The following ACLY variants were observed in gnomAD, a reference collection of about 807,000 sequenced individuals.
ACLY encodes ATP citrate lyase, also known as ATP-citrate synthase.
Under a neutral mutation model 133.0 loss-of-function variants are expected in ACLY, and 41 were observed. The observed-to-expected ratio is 0.31, with a 90% CI of 0.24 to 0.40. ACLY has a LOEUF of 0.40. Among genes scored for constraint, ACLY ranks in the 10% least tolerant of loss-of-function variants. The pLI is 1.00. For missense variants in ACLY, 1,046 were observed against 1,453.8 expected (o/e 0.72, Z 4.56); for synonymous variants, 495 against 549.3 (o/e 0.90, Z 1.38).
In ACLY at chr17:41,909,006, AG is replaced by A; in HGVS notation, c.598del (p.Leu200SerfsTer7). The A allele has an allele frequency of 6.2e-7, 1 of 1,613,280 alleles. No homozygotes were observed. Among genetic ancestry groups the A allele is most frequent in the South Asian group, 1.1e-5 (1 of 90,924 alleles). The stretch of plus-strand genomic sequence containing the variant: ...CCAGTTACCAAGGGGATTGATCTCG[AG>A]GTAGGTGAAGTACAAGTCCTCGTAG... ...NFYEDLYFTY[L>X]EINPLVVTKD... is the part of the protein sequence containing the mutation. On this transcript the variant is annotated frameshift_variant, in exon 6 of 29. Coordinates refer to ENST00000352035, the MANE Select transcript of ACLY (RefSeq NM_001096.3). LOFTEE classifies it high-confidence loss of function.
intron 6 of ACLY, 73 bp from the exon 7 acceptor site, chr17:41,907,645 A>G: frequency 6.4e-7 from 1 of 1,552,310 alleles, no homozygotes. Context: ...CAACCCCTCC[A>G]CAAACACCGA....
At chr17:41,868,436 C>CAAAAAA (rs10639270) in intron 28 of ACLY, among the ~76,000 whole-genome samples, 1 of 102,802 alleles carries the variant, frequency 9.7e-6, no homozygotes, top group Non-Finnish European at 1.9e-5. Flanking sequence ...GACTCAGTCT[C>CAAAAAA]AAAAAAAAAA....
At chr17:41,923,890 A>T (rs1244422746), upstream of ACLY, among the ~76,000 whole-genome samples, 1 of 152,024 alleles carries the variant, frequency 6.6e-6, no homozygotes, top group Admixed American at 6.6e-5. Flanking sequence ...GGCTCACTTC[A>T]ACCTCCACCT....
chr17:41,930,490 C>A, exon 1 of ACLY: 1 of 478,810 alleles, frequency 2.1e-6, no homozygotes. Flanking sequence ...AAACACTAAC[C>A]AGCCCAGCCG....
intron 11 of ACLY, among the ~76,000 whole-genome samples, chr17:41,900,472 C>A (rs1206293591): frequency 6.6e-6 from 1 of 152,004 alleles, no homozygotes; most frequent in Non-Finnish European, 1.5e-5. Context: ...ATAATCCTAG[C>A]ACTTTGGGAG....
chr17:41,885,538 A>G (rs1321377843), intron 18 of ACLY, among the ~76,000 whole-genome samples: 1 of 152,256 alleles, frequency 6.6e-6, no homozygotes, highest in Non-Finnish European at 1.5e-5. Flanking sequence ...CCTACTGATC[A>G]GTGTTCCCAC....
chr17:41,869,944 G>A (rs1362939984), intron 25 of ACLY, among the ~76,000 whole-genome samples: 1 of 152,194 alleles, frequency 6.6e-6, no homozygotes, highest in Non-Finnish European at 1.5e-5. Flanking sequence ...CCAGCCTCCA[G>A]CCATGCCCCC....
At chr17:41,899,609 C>G (rs1291975138) in intron 11 of ACLY, among the ~76,000 whole-genome samples, 3 of 152,218 alleles carry the variant, frequency 2.0e-5, no homozygotes, top group East Asian at 1.9e-4. Flanking sequence ...CGCTCCCCTC[C>G]TCCTTGTACA....
At chr17:41,875,058 A>G (rs2048698376) in intron 22 of ACLY, among the ~76,000 whole-genome samples, 1 of 151,928 alleles carries the variant, frequency 6.6e-6, no homozygotes, top group Non-Finnish European at 1.5e-5. Context: ...CATAACAATA[A>G]CGTAATGGGG....
intron 22 of ACLY, among the ~76,000 whole-genome samples, 184 bp downstream of exon 22, chr17:41,877,915 TGTAA>T (rs1229847122): frequency 6.6e-5 from 10 of 152,274 alleles, no homozygotes; most frequent in African/African-American, 2.2e-4. Flanking sequence ...CTTGTGATCA[TGTAA>T]GTTAATACTT....
At chr17:41,880,768 A>C (rs2048891492) in intron 20 of ACLY, among the ~76,000 whole-genome samples, 1 of 152,114 alleles carries the variant, frequency 6.6e-6, no homozygotes, top group Admixed American at 6.6e-5. Context: ...TGGGAGGCTG[A>C]AACAGCAGAA....
At chr17:41,872,378 T>TG in intron 23 of ACLY, among the ~76,000 whole-genome samples, 196 bp from the exon 24 acceptor site, 1 of 152,348 alleles carries the variant, frequency 6.6e-6, no homozygotes. Flanking sequence ...TAGGCTGGAA[T>TG]GCAGTAGTGT....
In ACLY at chr17:41,867,906, T is replaced by G; in HGVS notation, c.3212-2A>C. ...GCCTCTTCTGATCAAGATAGTGTCC[T>G]AAAATGAAGCAAACACATCTTTTTT... is the stretch of plus-strand genomic sequence containing the variant. On this transcript the variant is annotated splice_acceptor_variant, in intron 28 of 28. Coordinates refer to ENST00000352035, the MANE Select transcript of ACLY (RefSeq NM_001096.3). LOFTEE classifies it high-confidence loss of function. 1 of 1,604,378 alleles carries G rather than the reference T, an allele frequency of 6.2e-7. No homozygotes were observed. The highest frequency in any genetic ancestry group is 8.5e-7 in the Non-Finnish European group (1 of 1,174,034).
In ACLY at chr17:41,879,685, A is replaced by AAAAAAAAAAAAAAAAG. The variant is rs1597981614; in HGVS notation, c.2266-762_2266-761insCTTTTTTTTTTTTTTT. Among the ~76,000 whole-genome samples the AAAAAAAAAAAAAAAAG allele has an allele frequency of 1.6e-5, 2 of 127,248 alleles. 1 individual carries two copies. The allele number at this position is 127,248 out of a possible 152,430, so 83.5% of individuals were successfully genotyped here. The stretch of plus-strand genomic sequence containing the variant: ...AAAAAAAAAAAAAAAAAAAAAAAAA[A>AAAAAAAAAAAAAAAAG]AAGAAGTGCTAAATGGTGTCTGTGT... On this transcript the variant is annotated intron_variant, in intron 20 of 28. Coordinates refer to ENST00000352035, the MANE Select transcript of ACLY (RefSeq NM_001096.3).
chr17:41,872,855 A>G (rs1190948874), intron 23 of ACLY, among the ~76,000 whole-genome samples: 1 of 152,198 alleles, frequency 6.6e-6, no homozygotes, highest in Non-Finnish European at 1.5e-5. Context: ...GGAACAAAGT[A>G]TGGAGAGGTG....
chr17:41,878,905 C>T lies in ACLY; in HGVS notation c.2285G>A (p.Gly762Glu). The change falls in exon 21 of 29, where the codon GGA becomes GAA. Residue 762 changes from glycine to glutamate, a missense_variant. Physicochemically the swap from Gly to Glu is moderately conservative, Grantham distance 98. Around this residue, in one of 4 missense-constraint regions of ACLY, gnomAD observed 575 missense variants for 804.2 expected, o/e 0.71. Transcript: ENST00000352035. ...TTCAGAAGCCTGGTTGGCACAAGCTCCAGCATGGCCAAACTGGACCTGGAA... is the reference window on the plus strand; with the variant it reads ...TTCAGAAGCCTGGTTGGCACAAGCTTCAGCATGGCCAAACTGGACCTGGAA... ...FSSEVQFGHA[G>E]ACANQASETA... is the part of the protein sequence containing the mutation. The T allele has an allele frequency of 6.2e-7, 1 of 1,614,052 alleles. No homozygotes were observed. The highest frequency in any genetic ancestry group is 8.5e-7 in the Non-Finnish European group (1 of 1,179,978).
intron 10 of ACLY, among the ~76,000 whole-genome samples, chr17:41,902,016 C>T (rs2049555082): frequency 2.0e-5 from 3 of 152,164 alleles, no homozygotes; most frequent in African/African-American, 4.8e-5. Context: ...GGATTGACAT[C>T]CCTTAATGTC....
At position 41,887,671 on chromosome 17, in the gene ACLY, G is replaced by A. The variant is rs1191849093; in HGVS notation, c.1803C>T (p.Ile601=). ...TCAGCTTTCTCGTGAGGGCCTCAGG[G>A]ATGCCTTCAGCTATGATGGCGATGG... is the stretch of plus-strand genomic sequence containing the variant. The part of the protein sequence containing the change: ...IRTIAIIAEG[I]PEALTRKLIK... Residue 601 remains isoleucine, a synonymous_variant, in exon 17 of 29, where the codon ATC becomes ATT. Coordinates refer to ENST00000352035, the MANE Select transcript of ACLY (RefSeq NM_001096.3). 1 of 1,613,656 alleles carries A rather than the reference G, an allele frequency of 6.2e-7. No homozygotes were observed. Among genetic ancestry groups the A allele is most frequent in the African/African-American group, 1.3e-5 (1 of 74,870 alleles).
intron 20 of ACLY, 42 bp from the exon 21 acceptor site, chr17:41,878,966 G>A (rs782008724): frequency 6.2e-7 from 1 of 1,612,410 alleles, no homozygotes; most frequent in Non-Finnish European, 8.5e-7. Context: ...AATCCCCCAA[G>A]AGTGAACATA....
Sources: allele counts gnomAD v4.1 joint callset (sites outside exome capture counted in the v4.1 genomes callset), GRCh38; gene constraint gnomAD v4.1.1; regional missense constraint gnomAD v4.1.1; transcripts MANE v1.5; gene names NCBI Gene and HGNC (gene_info 2026-07-23, HGNC 2026-07-21).